Variants in DPYD observed in about 807,000 individuals in gnomAD.
DPYD encodes dihydropyrimidine dehydrogenase [NADP(+)].
Under a neutral mutation model 116.2 loss-of-function variants are expected in DPYD, and 109 were observed. The ratio of observed to expected loss-of-function variants is 0.94; its 90% CI spans 0.80 to 1.10. DPYD has a LOEUF of 1.10. Among genes scored for constraint, DPYD ranks in the 50% least tolerant of loss-of-function variants. DPYD has a pLI of 0.00. For missense variants in DPYD, 1,302 were observed against 1,254.5 expected (o/e 1.04, Z -0.57); for synonymous variants, 440 against 432.0 (o/e 1.02, Z -0.23).
chr1:97,475,961 C>A (rs1368348347), intron 13 of DPYD, among the ~76,000 whole-genome samples: 1 of 152,164 alleles, frequency 6.6e-6, no homozygotes, highest in East Asian at 1.9e-4. Context: ...TAATCTATAA[C>A]TAAGGAGATA....
At chr1:97,791,581 A>G (rs935754407) in intron 3 of DPYD, among the ~76,000 whole-genome samples, 2 of 152,228 alleles carry the variant, frequency 1.3e-5, no homozygotes, top group Non-Finnish European at 2.9e-5. Context: ...GCTTAAGTCT[A>G]GTAACTAAAT....
rs1045909606 is a variant in DPYD, at chr1:97,078,177, T to C, written c.*799A>G. 11 of 152,204 alleles carry C rather than the reference T, an allele frequency of 7.2e-5. No individual in the cohort carries two copies. The highest frequency in any genetic ancestry group is 1.3e-4 in the Non-Finnish European group (9 of 68,070). The allele number at this position is 152,204 out of a possible 1,614,324, so 9.4% of individuals were successfully genotyped here. ...GTTGCTATAATCATGAAGGTGACTA[T>C]TAAAACCAGTCAGAGCCCGTATGTG... On this transcript the variant is annotated 3_prime_UTR_variant, in exon 23 of 23. Coordinates refer to ENST00000370192, the MANE Select transcript of DPYD (RefSeq NM_000110.4).
chr1:97,443,800 G>A (rs1407536289), intron 14 of DPYD, among the ~76,000 whole-genome samples: 1 of 152,202 alleles, frequency 6.6e-6, no homozygotes, highest in Non-Finnish European at 1.5e-5. Flanking sequence ...TTTCTAATAA[G>A]TGAAACTTAA....
chr1:97,543,421 CATGG>C (rs1650595850), intron 12 of DPYD, among the ~76,000 whole-genome samples: 10 of 152,298 alleles, frequency 6.6e-5, no homozygotes, highest in South Asian at 6.2e-4. Context: ...TTTCTCCCAA[CATGG>C]ATGTCTTCAA....
intron 8 of DPYD, among the ~76,000 whole-genome samples, chr1:97,668,840 A>AT (rs1038625830): frequency 6.6e-6 from 1 of 151,886 alleles, no homozygotes; most frequent in African/African-American, 2.4e-5. Flanking sequence ...ACTACCAAGT[A>AT]TTTTTTTTAA....
At chr1:97,666,334 C>A (rs2100881917) in intron 8 of DPYD, among the ~76,000 whole-genome samples, 1 of 151,918 alleles carries the variant, frequency 6.6e-6, no homozygotes, top group East Asian at 1.9e-4. Context: ...CGAATTTTTT[C>A]TTTTTGTAGA....
At chr1:97,860,347 C>T (rs1348837112) in intron 2 of DPYD, among the ~76,000 whole-genome samples, 1 of 152,084 alleles carries the variant, frequency 6.6e-6, no homozygotes, top group Non-Finnish European at 1.5e-5. Flanking sequence ...ATCTTACTTA[C>T]TACGGGAAAA....
chr1:97,255,091 T>C (rs1321665127), intron 18 of DPYD, among the ~76,000 whole-genome samples: 1 of 152,164 alleles, frequency 6.6e-6, no homozygotes. Context: ...AGTATCAAAT[T>C]ATGAATGAAA....
chr1:97,228,550 T>G (rs1023661009), intron 19 of DPYD, among the ~76,000 whole-genome samples: 3 of 152,226 alleles, frequency 2.0e-5, no homozygotes, highest in Non-Finnish European at 2.9e-5. Flanking sequence ...ACATGATGAA[T>G]AGTGTATGAG....
intron 1 of DPYD, among the ~76,000 whole-genome samples, chr1:97,891,732 T>C (rs1672788529): frequency 6.6e-6 from 1 of 151,902 alleles, no homozygotes; most frequent in South Asian, 2.1e-4. Context: ...GCTTCAGTAT[T>C]ATTCAAGAGC....
intron 2 of DPYD, among the ~76,000 whole-genome samples, chr1:97,836,046 AGAGGC>A (rs1411791279): frequency 6.6e-6 from 1 of 152,204 alleles, no homozygotes; most frequent in African/African-American, 2.4e-5. Flanking sequence ...GATGTAATCT[AGAGGC>A]TTTAAACTTA....
At chr1:97,255,582 C>T (rs2100827502) in intron 18 of DPYD, among the ~76,000 whole-genome samples, 1 of 152,204 alleles carries the variant, frequency 6.6e-6, no homozygotes, top group Non-Finnish European at 1.5e-5. Flanking sequence ...GTGAGGCTTC[C>T]CCAGCCATGT....
chr1:97,805,300 A>C (rs896753999), intron 3 of DPYD, among the ~76,000 whole-genome samples: 1 of 151,920 alleles, frequency 6.6e-6, no homozygotes, highest in Non-Finnish European at 1.5e-5. Context: ...AGTGGATAAG[A>C]GCCAAAGAAT....
intron 3 of DPYD, among the ~76,000 whole-genome samples, chr1:97,802,937 C>G (rs915698229): frequency 1.2e-4 from 18 of 151,876 alleles, no homozygotes; most frequent in African/African-American, 3.9e-4. Context: ...GAAACAGATA[C>G]CAGCAAAAAA....
chr1:97,836,635 C>A (rs940973701), intron 2 of DPYD, among the ~76,000 whole-genome samples: 5 of 151,828 alleles, frequency 3.3e-5, no homozygotes, highest in Non-Finnish European at 7.4e-5. Flanking sequence ...TACCTCAATT[C>A]TCTGATTGGA....
At chr1:97,380,192 G>A (rs1671867305) in intron 15 of DPYD, among the ~76,000 whole-genome samples, 3 of 152,148 alleles carry the variant, frequency 2.0e-5, no homozygotes, top group Admixed American at 2.0e-4. Flanking sequence ...GGCTCAGTTT[G>A]GCATATATCT....
rs1243135274 is a variant in DPYD at position 97,593,240 on chromosome 1, T to C, written c.1106A>G (p.Asn369Ser). 3 of 1,614,028 alleles carry C rather than the reference T, an allele frequency of 1.9e-6. No individual in the cohort carries two copies. Among genetic ancestry groups the C allele is most frequent in the Admixed American group, 1.7e-5 (1 of 59,998 alleles). The part of the protein sequence containing the change: ...VFIVFRKGFV[N>S]IRAVPEEMEL... The stretch of plus-strand genomic sequence containing the variant: ...TACCTCCTCAGGGACAGCTCTTATA[T>C]TAACAAAGCCTTTTCTGAAGACGAT... Residue 369 changes from asparagine (N) to serine (S), a missense_variant, in exon 10 of 23, where the codon AAT (asparagine) becomes AGT (serine). Asn to Ser is a conservative substitution (Grantham distance 46). Transcript: ENST00000370192.
chr1:97,464,238 CAAAAT>C (rs145868186), intron 13 of DPYD, among the ~76,000 whole-genome samples: 38,492 of 138,070 alleles, frequency 0.28, 5,662 homozygotes, highest in Admixed American at 0.39. Context: ...GACTCTGTCT[CAAAAT>C]AAAATAAAAT....
intron 14 of DPYD, among the ~76,000 whole-genome samples, chr1:97,443,702 C>T (rs1299752549): frequency 1.3e-5 from 2 of 152,214 alleles, no homozygotes; most frequent in African/African-American, 4.8e-5. Context: ...TTGCACTAGC[C>T]ATTGCTGGCC....
Sources: gnomAD v4.1 joint callset for allele counts (sites outside exome capture counted in the v4.1 genomes callset) on GRCh38, gnomAD v4.1.1 for gene constraint, MANE v1.5 for transcripts, NCBI Gene and HGNC (gene_info 2026-07-23, HGNC 2026-07-21) for gene names.